Variants in TTC29 observed in about 807,000 individuals in gnomAD.
The protein encoded by TTC29 is tetratricopeptide repeat protein 29.
In TTC29, 49 loss-of-function variants were observed where a neutral mutation model predicts 58.1. The ratio of observed to expected loss-of-function variants is 0.84; its 90% confidence interval spans 0.67 to 1.07. The LOEUF is 1.07. Ranked by LOEUF, TTC29 falls within the 50% of genes least tolerant of loss-of-function variation. The pLI is 0.00. For missense variants in TTC29, 582 were observed against 555.6 expected (o/e 1.05, Z -0.48); for synonymous variants, 209 against 196.8 (o/e 1.06, Z -0.52).
intron 11 of TTC29, among the ~76,000 whole-genome samples, chr4:146,723,680 A>T (rs1743551361): frequency 6.6e-6 from 1 of 152,222 alleles, no homozygotes. Flanking sequence ...CCAGAATGAG[A>T]TACCATCTCA....
intron 11 of TTC29, among the ~76,000 whole-genome samples, chr4:146,756,755 G>A (rs539905197): frequency 2.0e-5 from 3 of 151,390 alleles, no homozygotes; most frequent in Admixed American, 6.6e-5. Context: ...TCTTTGTTGG[G>A]TTGGGCTAAT....
chr4:146,725,618 T>C (rs968557179), intron 11 of TTC29, among the ~76,000 whole-genome samples: 5 of 152,320 alleles, frequency 3.3e-5, no homozygotes, highest in Admixed American at 1.3e-4. Context: ...CTTTATATTG[T>C]CTTATCACCA....
rs573432191 is a variant in TTC29 at position 146,861,369 on chromosome 4, G to A, written c.885+6129C>T. 5.3e-5 allele frequency among the ~76,000 whole-genome samples: 8 copies of A among 152,254 alleles called. No individual in the cohort carries two copies. The East Asian group carries it at 1.5e-3, about 29-fold the overall frequency. ...AGGTCTAATTTGATGATGGCCAAAGGGAATTATGTTTTCCTTCCCCAGCAC... is the reference window on the plus strand; with the variant it reads ...AGGTCTAATTTGATGATGGCCAAAGAGAATTATGTTTTCCTTCCCCAGCAC... On this transcript the variant is annotated intron_variant, in intron 8 of 12. Coordinates refer to ENST00000325106, the MANE Select transcript of TTC29 (RefSeq NM_031956.4).
chr4:146,942,271 A>C (rs1003727929), intron 2 of TTC29, among the ~76,000 whole-genome samples: 27 of 152,232 alleles, frequency 1.8e-4, no homozygotes, highest in African/African-American at 6.3e-4. Context: ...TTAATTGGAA[A>C]GCAAAGGGTC....
intron 11 of TTC29, among the ~76,000 whole-genome samples, chr4:146,731,974 G>C (rs765097208): frequency 1.3e-5 from 2 of 152,186 alleles, no homozygotes; most frequent in African/African-American, 4.8e-5. Context: ...GCCAATACTT[G>C]TTAATCAGCT....
intron 8 of TTC29, 101 bp from the exon 9 acceptor site, chr4:146,833,998 G>A (rs1579788344): frequency 4.1e-6 from 3 of 739,018 alleles, no homozygotes; most frequent in Non-Finnish European, 6.1e-6. Flanking sequence ...TGGTTTTAAT[G>A]TCTCTATAAA....
intron 6 of TTC29, among the ~76,000 whole-genome samples, chr4:146,900,972 A>G (rs1733107804): frequency 6.6e-6 from 1 of 152,238 alleles, no homozygotes; most frequent in Non-Finnish European, 1.5e-5. Flanking sequence ...AGTTTTCATC[A>G]ACATAGCCCT....
At chr4:146,767,853 C>T (rs1167936580) in intron 11 of TTC29, among the ~76,000 whole-genome samples, 2 of 152,080 alleles carry the variant, frequency 1.3e-5, no homozygotes, top group Non-Finnish European at 2.9e-5. Flanking sequence ...ATGGAGAGGT[C>T]CCCCTTGTCA....
intron 11 of TTC29, among the ~76,000 whole-genome samples, chr4:146,795,091 T>C (rs1371861100): frequency 1.3e-5 from 2 of 152,140 alleles, no homozygotes; most frequent in Non-Finnish European, 2.9e-5. Flanking sequence ...TTCTCAGGCT[T>C]TTTGACTGAA....
intron 6 of TTC29, among the ~76,000 whole-genome samples, chr4:146,885,107 AC>A (rs928724432): frequency 6.6e-6 from 1 of 152,038 alleles, no homozygotes. Context: ...GCTCAAGTTT[AC>A]CCAGGGCTTT....
chr4:146,876,139 T>C (rs1731240835), intron 6 of TTC29, among the ~76,000 whole-genome samples: 1 of 152,214 alleles, frequency 6.6e-6, no homozygotes, highest in South Asian at 2.1e-4. Context: ...CTCTGTGCCT[T>C]ACTTTATTCT....
chr4:146,714,304 G>A (rs1197045623), intron 11 of TTC29, among the ~76,000 whole-genome samples: 1 of 152,082 alleles, frequency 6.6e-6, no homozygotes, highest in Non-Finnish European at 1.5e-5. Context: ...ATGTTAAGTA[G>A]AGACATGGAA....
chr4:146,879,118 G>A (rs1343326260), intron 6 of TTC29, among the ~76,000 whole-genome samples: 1 of 152,116 alleles, frequency 6.6e-6, no homozygotes, highest in East Asian at 1.9e-4. Context: ...AAATAAGCCA[G>A]CAAGAAGATA....
At chr4:146,777,095 C>T (rs1748160701) in intron 11 of TTC29, among the ~76,000 whole-genome samples, 1 of 152,156 alleles carries the variant, frequency 6.6e-6, no homozygotes, top group Admixed American at 6.5e-5. Flanking sequence ...CTCTTGCACA[C>T]AGGGGTGGGG....
At chr4:146,710,472 C>T (rs781176714) in intron 11 of TTC29, among the ~76,000 whole-genome samples, 7 of 152,148 alleles carry the variant, frequency 4.6e-5, no homozygotes, top group East Asian at 1.9e-4. Context: ...AATGTCCTTA[C>T]GCGGTGCATG....
chr4:146,761,837 G>C (rs1746932814), intron 11 of TTC29, among the ~76,000 whole-genome samples: 1 of 151,718 alleles, frequency 6.6e-6, no homozygotes, highest in Non-Finnish European at 1.5e-5. Flanking sequence ...TTACTAATTT[G>C]AGTGGAGCTG....
intron 11 of TTC29, among the ~76,000 whole-genome samples, chr4:146,773,260 T>C (rs1262951564): frequency 1.3e-5 from 2 of 152,102 alleles, no homozygotes; most frequent in African/African-American, 4.8e-5. Flanking sequence ...CTATGTCAAA[T>C]AGGAATGTTG....
chr4:146,842,773 G>A (rs1216850450), intron 8 of TTC29, among the ~76,000 whole-genome samples: 1 of 152,098 alleles, frequency 6.6e-6, no homozygotes, highest in African/African-American at 2.4e-5. Context: ...GTTTAGCACT[G>A]TTCTCCATGC....
At chr4:146,780,679 T>TTAAAG (rs1382297281) in intron 11 of TTC29, among the ~76,000 whole-genome samples, 6 of 151,772 alleles carry the variant, frequency 4.0e-5, no homozygotes, top group African/African-American at 1.2e-4. Context: ...GAAATATATA[T>TTAAAG]TAAAGTACAC....
Sources: gnomAD v4.1 joint callset for allele counts (sites outside exome capture counted in the v4.1 genomes callset) on GRCh38, gnomAD v4.1.1 for gene constraint, MANE v1.5 for transcripts, NCBI Gene and HGNC (gene_info 2026-07-23, HGNC 2026-07-21) for gene names.